Variants in KRT23 observed in about 807,000 individuals in gnomAD.
KRT23 encodes keratin 23, also known as keratin, type I cytoskeletal 23.
KRT23 carries 38 observed loss-of-function variants against 47.6 expected under a neutral mutation model. The observed-to-expected ratio is 0.80, with a 90% confidence interval of 0.62 to 1.05. KRT23 has a LOEUF of 1.05. KRT23 is among the 50% of genes least tolerant of loss of function. The probability of loss-of-function intolerance (pLI) is 0.00; values close to 1 mark genes in which losing one functional copy is unlikely to be tolerated. For missense variants in KRT23, 503 were observed against 529.5 expected (o/e 0.95, Z 0.49); for synonymous variants, 191 against 199.0 (o/e 0.96, Z 0.34).
In KRT23 at chr17:40,936,528, T is replaced by A. The variant is rs1476060954; in HGVS notation, c.76A>T (p.Arg26Trp). The A allele has an allele frequency of 2.0e-6, 3 of 1,523,926 alleles. 1 individual carries two copies. The Admixed American group carries it at 6.7e-5, about 34-fold the overall frequency. 94.4% of individuals were successfully genotyped at this position (1,523,926 alleles called of 1,614,324 possible). A position where few individuals can be genotyped will look rare whatever the true frequency, so the allele number is the denominator to read the frequency against. The change falls in exon 2 of 9, where the codon AGG (arginine) becomes TGG (tryptophan). Residue 26 changes from arginine (R) to tryptophan (W), a missense_variant. Physicochemically the swap from Arg to Trp is moderately radical, Grantham distance 101. Coordinates refer to ENST00000209718, the MANE Select transcript of KRT23 (RefSeq NM_015515.5). Reference sequence around the variant, plus strand: ...ACGGTGGGAGCCCTGGGGAAGCTCCTGGGCCGGCCCCAGCCACCTCCGGCG... The same window carrying A: ...ACGGTGGGAGCCCTGGGGAAGCTCCAGGGCCGGCCCCAGCCACCTCCGGCG... ...HGAGGGWGRPRSFPRAPTVHG... is the reference protein window; with the variant it reads ...HGAGGGWGRPWSFPRAPTVHG...
intron 2 of KRT23, among the ~76,000 whole-genome samples, chr17:40,934,688 G>A (rs1286930145): frequency 6.6e-6 from 1 of 152,196 alleles, no homozygotes; most frequent in Non-Finnish European, 1.5e-5. Context: ...TGAGGCTACT[G>A]GAAACAGACC....
rs1196633997 is a variant in KRT23 at position 40,931,355 on chromosome 17, T to A, written c.479+18A>T. Reference sequence around the variant, plus strand: ...AAACAAACAAAAACCCGAACAACCCTGTGAAGAAGGAACTTACTTGAGGTT... The same window carrying A: ...AAACAAACAAAAACCCGAACAACCCAGTGAAGAAGGAACTTACTTGAGGTT... On this transcript the variant is annotated intron_variant, in intron 3 of 8. Coordinates refer to ENST00000209718, the MANE Select transcript of KRT23 (RefSeq NM_015515.5). 2.5e-6 allele frequency: 4 copies of A among 1,582,174 alleles called. No individual in the cohort carries two copies. The highest frequency in any genetic ancestry group is 2.7e-5 in the African/African-American group (2 of 74,294).
At chr17:40,932,949 T>C (rs1909799642) in intron 2 of KRT23, among the ~76,000 whole-genome samples, 1 of 152,126 alleles carries the variant, frequency 6.6e-6, no homozygotes, top group Non-Finnish European at 1.5e-5. Context: ...AGTTTATTCA[T>C]CCATAAAATA....
intron 4 of KRT23, 83 bp from the exon 5 acceptor site, chr17:40,928,690 G>T: frequency 7.7e-7 from 1 of 1,295,904 alleles, no homozygotes; most frequent in Non-Finnish European, 1.1e-6. Context: ...GTGGTAAATA[G>T]ATCTTTTAAA....
Position 40,936,869 on chromosome 17 carries a change from G to A in KRT23, c.-266C>T, listed in dbSNP as rs1910119946. The A allele has an allele frequency of 5.2e-6, 2 of 387,332 alleles. No homozygotes were observed. The highest frequency in any genetic ancestry group is 9.1e-6 in the Non-Finnish European group (2 of 219,374). The allele number at this position is 387,332 out of a possible 1,614,324, so 24.0% of individuals were successfully genotyped here. A position where few individuals can be genotyped will look rare whatever the true frequency, so the allele number is the denominator to read the frequency against. On this transcript the variant is annotated 5_prime_UTR_variant, in exon 2 of 9. Transcript: ENST00000209718. ...GCTTCCTCCCTTCCCCTGGTAACCC[G>A]GAGGTGTGGCCCACGACATCAGGCG...
intron 6 of KRT23, among the ~76,000 whole-genome samples, chr17:40,927,220 A>T (rs1346649727): frequency 6.6e-6 from 1 of 152,098 alleles, no homozygotes; most frequent in Non-Finnish European, 1.5e-5. Flanking sequence ...CACATTTATT[A>T]TCTGTCACTC....
At chr17:40,931,740 G>A (rs996460588) in intron 2 of KRT23, among the ~76,000 whole-genome samples, 13 of 152,274 alleles carry the variant, frequency 8.5e-5, no homozygotes, top group African/African-American at 3.1e-4. Flanking sequence ...TGCAACTGCT[G>A]AAAGAATGAT....
At chr17:40,931,937 T>G (rs891462277) in intron 2 of KRT23, among the ~76,000 whole-genome samples, 1 of 152,230 alleles carries the variant, frequency 6.6e-6, no homozygotes. Context: ...TTTTAATTAG[T>G]TCAGCCCTCC....
Position 40,925,366 on chromosome 17 carries a change from C to T in KRT23, c.1130G>A (p.Gly377Glu). Reference protein sequence around the residue: ...EITTYRRLLEGESEGTREESK... With the variant: ...EITTYRRLLEEESEGTREESK... Reference sequence around the variant, plus strand: ...GCCTTTGCCTTACCCTTCACTCTCTCCCTCCAGGAGCCGTCGGTACGTGGT... The same window carrying T: ...GCCTTTGCCTTACCCTTCACTCTCTTCCTCCAGGAGCCGTCGGTACGTGGT... The change falls in exon 7 of 9, where the codon GGA (glycine) becomes GAA (glutamate). Residue 377 changes from glycine (G) to glutamate (E), a missense_variant. By Grantham distance (98) the Gly-to-Glu change is moderately conservative. Transcript: ENST00000209718. The T allele has an allele frequency of 6.2e-7, 1 of 1,613,280 alleles. No homozygotes were observed. The highest frequency in any genetic ancestry group is 8.5e-7 in the Non-Finnish European group (1 of 1,179,928).
rs1910070820 is a variant in KRT23 at position 40,936,381 on chromosome 17, T to C, written c.223A>G (p.Thr75Ala). 1 of 1,614,096 alleles carries C rather than the reference T, an allele frequency of 6.2e-7. No homozygotes were observed. The highest frequency in any genetic ancestry group is 1.3e-5 in the African/African-American group (1 of 74,940). Residue 75 changes from threonine to alanine, a missense_variant, in exon 2 of 9, where the codon ACC becomes GCC. Physicochemically the swap from Thr to Ala is moderately conservative, Grantham distance 58. Transcript: ENST00000209718. ...AGGCGGTCGTTGAGATTCTGCATGG[T>C]GGCCTTCCCATTTCCGCCTAGTAGG... ...SPLLGGNGKA[T>A]MQNLNDRLAS...
intron 6 of KRT23, among the ~76,000 whole-genome samples, chr17:40,927,656 G>T (rs1182456644): frequency 1.3e-5 from 2 of 152,188 alleles, no homozygotes; most frequent in Non-Finnish European, 2.9e-5. Context: ...CTGTGAAGAT[G>T]ATAGAAATGA....
intron 3 of KRT23, among the ~76,000 whole-genome samples, chr17:40,931,085 C>T (rs1909636743): frequency 7.2e-6 from 1 of 138,682 alleles, no homozygotes; most frequent in Admixed American, 8.1e-5. Context: ...GATCTTGGCT[C>T]ACTGCAACCT....
intron 4 of KRT23, among the ~76,000 whole-genome samples, chr17:40,929,282 A>T (rs576291016): frequency 4.6e-5 from 7 of 152,334 alleles, no homozygotes; most frequent in Non-Finnish European, 1.0e-4. Context: ...AGGCTTTCAA[A>T]ATCTCATCAA....
intron 2 of KRT23, among the ~76,000 whole-genome samples, chr17:40,933,567 A>G (rs1018036513): frequency 2.0e-5 from 3 of 152,196 alleles, no homozygotes; most frequent in African/African-American, 7.2e-5. Flanking sequence ...CTATGGGCTT[A>G]TTTAGCTTTT....
At chr17:40,926,145 C>T (rs555430246) in intron 6 of KRT23, among the ~76,000 whole-genome samples, 37 of 152,042 alleles carry the variant, frequency 2.4e-4, no homozygotes, top group Middle Eastern at 6.8e-3. Flanking sequence ...AAAAAAATGT[C>T]ATTTTTTGAG....
At chr17:40,935,079 A>G (rs1408470257) in intron 2 of KRT23, among the ~76,000 whole-genome samples, 1 of 151,682 alleles carries the variant, frequency 6.6e-6, no homozygotes, top group African/African-American at 2.4e-5. Flanking sequence ...TTATTAAACA[A>G]AAAAACATGA....
At chr17:40,929,642 C>T (rs57945854) in intron 4 of KRT23, 80,866 of 289,720 alleles carry the variant, frequency 0.28, 12,048 homozygotes, top group East Asian at 0.5. Context: ...TCCAGTCTCA[C>T]GCATTGATTC....
chr17:40,929,935 T>G lies in KRT23; in HGVS notation c.636+5A>C, dbSNP rs1382196802. ...TTATTAGCAGGTGTTCCTGGGGAGT[T>G]GTACCTGCTCATGGTGCTTCTTCAT... On this transcript the variant is annotated splice_donor_5th_base_variant and intron_variant, in intron 4 of 8. Transcript: ENST00000209718. The G allele has an allele frequency of 6.2e-7, 1 of 1,613,376 alleles. No individual in the cohort carries two copies.
rs1166763482 is a variant in KRT23, at chr17:40,937,463, A to ACC, written c.-470_-469dup. 1 of 152,202 alleles carries ACC rather than the reference A, an allele frequency of 6.6e-6. No individual in the cohort carries two copies. Among genetic ancestry groups the ACC allele is most frequent in the South Asian group, 2.1e-4 (1 of 4,792 alleles). The allele number at this position is 152,202 out of a possible 1,614,324, so 9.4% of individuals were successfully genotyped here. A position where few individuals can be genotyped will look rare whatever the true frequency, so the allele number is the denominator to read the frequency against. On this transcript the variant is annotated 5_prime_UTR_variant, in exon 1 of 9. The change creates a premature stop within an existing upstream ORF in the 5' untranslated region. Coordinates refer to ENST00000209718, the MANE Select transcript of KRT23 (RefSeq NM_015515.5). ...ATGTAGCCGTTGTTAGCAGCCCCGG[A>ACC]CCCCGGCTGAGCCTGCCACGGCTGG...
Sources: allele counts gnomAD v4.1 joint callset (sites outside exome capture counted in the v4.1 genomes callset), GRCh38; gene constraint gnomAD v4.1.1; transcripts MANE v1.5; gene names NCBI Gene and HGNC (gene_info 2026-07-23, HGNC 2026-07-21).